Variants in SH3RF3 observed in about 807,000 individuals in gnomAD.
SH3RF3 encodes the protein E3 ubiquitin-protein ligase SH3RF3.
SH3RF3 carries 29 observed loss-of-function variants against 66.3 expected under a neutral mutation model. The ratio of observed to expected loss-of-function variants is 0.44; its 90% CI spans 0.33 to 0.60. The LOEUF (loss-of-function observed/expected upper bound fraction) is 0.60, where lower values mean the gene tolerates loss of function less well. SH3RF3 is among the 20% of genes least tolerant of loss of function. The pLI, the probability that SH3RF3 is intolerant of heterozygous loss-of-function variation, is 0.04. For synonymous variants in SH3RF3, 583 were observed against 532.0 expected, an observed-to-expected ratio of 1.10 and a Z score of -1.32; for missense variants, 1,194 against 1,190.9, an observed-to-expected ratio of 1.00 and a Z score of -0.04.
chr2:109,465,897 C>T (rs1312698465), intron 8 of SH3RF3, among the ~76,000 whole-genome samples: 1 of 152,100 alleles, frequency 6.6e-6, no homozygotes, highest in African/African-American at 2.4e-5. Flanking sequence ...GAGAAATCTG[C>T]TTCCACGACC....
chr2:109,236,663 C>T (rs577606085), intron 1 of SH3RF3, among the ~76,000 whole-genome samples: 66 of 152,272 alleles, frequency 4.3e-4, no homozygotes, highest in African/African-American at 1.5e-3. Flanking sequence ...AGATTAAAGA[C>T]GCCTAAAGGT....
chr2:109,130,009 G>A lies in SH3RF3; in HGVS notation c.469G>A (p.Ala157Thr). 2 of 1,302,228 alleles carry A rather than the reference G, an allele frequency of 1.5e-6. No individual in the cohort carries two copies. Among genetic ancestry groups the A allele is most frequent in the South Asian group, 2.3e-5 (1 of 42,748 alleles). 80.7% of individuals were successfully genotyped at this position (1,302,228 alleles called of 1,614,324 possible). The change falls in exon 1 of 10, where the codon GCA becomes ACA. Residue 157 changes from alanine (A) to threonine (T), a missense_variant. Ala to Thr is a moderately conservative substitution (Grantham distance 58, BLOSUM62 0). Transcript: ENST00000309415. Reference protein sequence around the residue: ...PTLAGGGGGAAGSTPGSPVFL... With the variant: ...PTLAGGGGGATGSTPGSPVFL... ...GCTCGCGGGCGGCGGGGGCGGCGCG[G>A]CAGGCAGCACCCCGGGTTCCCCGGT...
rs907851929 is a variant in SH3RF3 at position 109,244,491 on chromosome 2, T to C, written c.574-103183T>C. ...TGTGTTGGAACTACCCCCAAACAAA[T>C]GCCAAATGTGAGATTGAAAATTAAA... On this transcript the variant is annotated intron_variant, in intron 1 of 9. Transcript: ENST00000309415. Among the ~76,000 whole-genome samples the C allele has an allele frequency of 8.5e-5, 13 of 152,158 alleles. 1 individual carries two copies. Among genetic ancestry groups the C allele is most frequent in the South Asian group, 6.2e-4 (3 of 4,830 alleles).
chr2:109,233,330 G>T (rs909654826), intron 1 of SH3RF3, among the ~76,000 whole-genome samples: 4 of 152,200 alleles, frequency 2.6e-5, no homozygotes, highest in African/African-American at 9.6e-5. Context: ...CTGGAAAGGG[G>T]AGAGAGTGGG....
intron 3 of SH3RF3, among the ~76,000 whole-genome samples, chr2:109,387,324 GC>G (rs1675849594): frequency 6.6e-6 from 1 of 152,126 alleles, no homozygotes; most frequent in Non-Finnish European, 1.5e-5. Context: ...GTGTCCCTGT[GC>G]TGCTGTAGAG....
chr2:109,177,172 C>T (rs1017998791), intron 1 of SH3RF3, among the ~76,000 whole-genome samples: 3 of 152,150 alleles, frequency 2.0e-5, no homozygotes, highest in African/African-American at 7.2e-5. Context: ...ACACTCAGCC[C>T]AGAGTCAGAA....
chr2:109,202,103 T>C (rs1466274836), intron 1 of SH3RF3, among the ~76,000 whole-genome samples: 2 of 152,250 alleles, frequency 1.3e-5, no homozygotes, highest in Non-Finnish European at 1.5e-5. Flanking sequence ...CTCGAGGCGA[T>C]CTCGGCCACT....
At chr2:109,227,983 CA>C (rs1448900090) in intron 1 of SH3RF3, among the ~76,000 whole-genome samples, 2 of 152,168 alleles carry the variant, frequency 1.3e-5, no homozygotes, top group African/African-American at 4.8e-5. Context: ...ATGGGATTTA[CA>C]TTTGCTGTGG....
At chr2:109,179,349 C>T (rs935210139) in intron 1 of SH3RF3, among the ~76,000 whole-genome samples, 2 of 152,224 alleles carry the variant, frequency 1.3e-5, no homozygotes, top group Non-Finnish European at 2.9e-5. Context: ...CAGACTCTTC[C>T]TGTATTAGAT....
chr2:109,424,777 C>T (rs751928749), intron 5 of SH3RF3, among the ~76,000 whole-genome samples: 22 of 152,150 alleles, frequency 1.4e-4, no homozygotes, highest in Non-Finnish European at 2.6e-4. Flanking sequence ...CTCTCTTTCT[C>T]TCCCCAGGCC....
intron 1 of SH3RF3, among the ~76,000 whole-genome samples, chr2:109,344,222 G>A (rs770081959): frequency 1.3e-5 from 2 of 152,212 alleles, no homozygotes; most frequent in African/African-American, 4.8e-5. Flanking sequence ...CCTTAGTGGC[G>A]TAGAAGCTAA....
Position 109,129,895 on chromosome 2 carries a change from G to T in SH3RF3, c.355G>T (p.Asp119Tyr). The change falls in exon 1 of 10, where the codon GAC (aspartate) becomes TAC (tyrosine). Residue 119 changes from aspartate to tyrosine, a missense_variant. Asp to Tyr is a radical substitution (Grantham distance 160). Transcript: ENST00000309415. ...PANILLVRLL[D>Y]GIRQRPRAGT... ...CAACATCTTGCTGGTGCGACTGCTG[G>T]ACGGCATCCGTCAGCGGCCCCGCGC... is the stretch of plus-strand genomic sequence containing the variant. The T allele has an allele frequency of 6.6e-7, 1 of 1,513,546 alleles. No homozygotes were observed. The highest frequency in any genetic ancestry group is 8.8e-7 in the Non-Finnish European group (1 of 1,136,592). The allele number at this position is 1,513,546 out of a possible 1,614,324, so 93.8% of individuals were successfully genotyped here.
intron 1 of SH3RF3, among the ~76,000 whole-genome samples, chr2:109,269,387 T>G (rs1574541227): frequency 6.6e-6 from 1 of 152,190 alleles, no homozygotes; most frequent in Admixed American, 6.5e-5. Context: ...CAGAAAACAC[T>G]GGTGCTTCTC....
At chr2:109,256,439 G>A (rs1680223697) in intron 1 of SH3RF3, among the ~76,000 whole-genome samples, 1 of 152,068 alleles carries the variant, frequency 6.6e-6, no homozygotes, top group African/African-American at 2.4e-5. Flanking sequence ...ACTTACCATT[G>A]ACTGAAACAG....
intron 2 of SH3RF3, among the ~76,000 whole-genome samples, chr2:109,349,326 C>G (rs1421483195): frequency 6.6e-6 from 1 of 152,230 alleles, no homozygotes; most frequent in East Asian, 1.9e-4. Context: ...CTTCTCCCTT[C>G]CTTTTATCAA....
chr2:109,243,743 C>G (rs538803602), intron 1 of SH3RF3, among the ~76,000 whole-genome samples: 2 of 152,180 alleles, frequency 1.3e-5, no homozygotes, highest in African/African-American at 4.8e-5. Context: ...TTTCAGAGAA[C>G]CTCGGGGTGG....
chr2:109,249,700 T>C (rs1356870599), intron 1 of SH3RF3, among the ~76,000 whole-genome samples: 2 of 150,814 alleles, frequency 1.3e-5, no homozygotes, highest in African/African-American at 4.9e-5. Flanking sequence ...AAGGCTGGAG[T>C]ACAGTGGTGC....
At chr2:109,342,622 C>T (rs1025453505) in intron 1 of SH3RF3, among the ~76,000 whole-genome samples, 21 of 152,300 alleles carry the variant, frequency 1.4e-4, no homozygotes, top group Non-Finnish European at 2.5e-4. Flanking sequence ...TGTGCCCTCC[C>T]GACGCTGCAG....
At chr2:109,455,716 A>G (rs1678035014) in intron 8 of SH3RF3, among the ~76,000 whole-genome samples, 1 of 152,224 alleles carries the variant, frequency 6.6e-6, no homozygotes. Context: ...TGCAATAGGT[A>G]GACCCTTACT....
Sources: gnomAD v4.1 joint callset for allele counts (sites outside exome capture counted in the v4.1 genomes callset) on GRCh38, gnomAD v4.1.1 for gene constraint, MANE v1.5 for transcripts, NCBI Gene and HGNC (gene_info 2026-07-23, HGNC 2026-07-21) for gene names.